Variants in PTPRK observed in about 807,000 individuals in gnomAD.
The protein encoded by PTPRK is receptor-type tyrosine-protein phosphatase kappa.
Under a neutral mutation model 178.0 loss-of-function variants are expected in PTPRK, and 75 were observed. The ratio of observed to expected loss-of-function variants is 0.42; its 90% CI spans 0.35 to 0.51. PTPRK has a LOEUF of 0.51. Ranked by LOEUF, PTPRK falls within the 20% of genes least tolerant of loss-of-function variation. PTPRK has a pLI of 0.02. For synonymous variants in PTPRK, 637 were observed against 620.6 expected (o/e 1.03, Z -0.39); for missense variants, 1,441 against 1,797.8 (o/e 0.80, Z 3.59).
At chr6:128,494,681 A>G (rs1182630785) in intron 1 of PTPRK, among the ~76,000 whole-genome samples, 2 of 152,248 alleles carry the variant, frequency 1.3e-5, no homozygotes, top group Non-Finnish European at 2.9e-5. Context: ...CAACACTTCA[A>G]TGGAAGTGGC....
intron 15 of PTPRK, among the ~76,000 whole-genome samples, chr6:128,002,901 G>A (rs148113459): frequency 8.0e-4 from 122 of 151,910 alleles, no homozygotes; most frequent in African/African-American, 2.8e-3. Flanking sequence ...TATGCATTTG[G>A]CTTCATTCTA....
Position 128,070,497 on chromosome 6 carries a change from C to G in PTPRK, c.1884-2705G>C, listed in dbSNP as rs192746549. On this transcript the variant is annotated intron_variant, in intron 11 of 29. Transcript: ENST00000368226. Reference sequence around the variant, plus strand: ...TGAGAAATATTTCTTGTTTAAGCCACCTAGTATTTTGTAATAGCAGCCTGA... The same window carrying G: ...TGAGAAATATTTCTTGTTTAAGCCAGCTAGTATTTTGTAATAGCAGCCTGA... Among the ~76,000 whole-genome samples the G allele has an allele frequency of 2.0e-4, 30 of 152,078 alleles. 1 individual carries two copies. In the East Asian group the frequency reaches 4.8e-3, roughly 24 times the overall value.
At position 128,393,089 on chromosome 6, in the gene PTPRK, CTT is replaced by C. The variant is rs755172831; in HGVS notation, c.223+4475_223+4476del. On this transcript the variant is annotated intron_variant, in intron 2 of 29. Transcript: ENST00000368226. The stretch of plus-strand genomic sequence containing the variant: ...AAAATATGGTCTATGTTCATAAGGA[CTT>C]TTTTTTTTTTTTTTTTTTAAGACAG... Among the ~76,000 whole-genome samples, 551 of 124,854 alleles carry C rather than the reference CTT, an allele frequency of 4.4e-3. 7 individuals are homozygous for C. The East Asian group carries it at 0.058, about 13-fold the overall frequency. The allele number at this position is 124,854 out of a possible 152,430, so 81.9% of individuals were successfully genotyped here. A position where few individuals can be genotyped will look rare whatever the true frequency, so the allele number is the denominator to read the frequency against.
At chr6:128,479,552 T>G (rs1041962018) in intron 1 of PTPRK, among the ~76,000 whole-genome samples, 21 of 152,124 alleles carry the variant, frequency 1.4e-4, no homozygotes, top group African/African-American at 4.8e-4. Flanking sequence ...AGGGGGTACA[T>G]TTTTAATTGC....
intron 11 of PTPRK, among the ~76,000 whole-genome samples, chr6:128,070,789 C>A (rs1425379750): frequency 6.6e-6 from 1 of 151,692 alleles, no homozygotes; most frequent in African/African-American, 2.4e-5. Context: ...TACATTTTCA[C>A]ATATTATACT....
intron 15 of PTPRK, 100 bp from the exon 16 acceptor site, chr6:127,999,004 C>G (rs1777494314): frequency 9.8e-7 from 1 of 1,025,480 alleles, no homozygotes; most frequent in African/African-American, 1.6e-5. Context: ...TAAGATCTTT[C>G]TGATAACAAG....
chr6:128,426,784 A>C (rs2128390724), intron 1 of PTPRK, among the ~76,000 whole-genome samples: 1 of 152,300 alleles, frequency 6.6e-6, no homozygotes, highest in Non-Finnish European at 1.5e-5. Context: ...AGGTCGACTT[A>C]CAAAGTTTTT....
In PTPRK at chr6:128,240,013, T is replaced by C. The variant is rs369946141; in HGVS notation, c.693+22A>G. 3.6e-5 allele frequency: 56 copies of C among 1,557,466 alleles called. 1 individual carries two copies. In the African/African-American group the frequency reaches 7.3e-4, roughly 20 times the overall value. ...TAAAACATAAAGTATACTCTTTAGC[T>C]CAGCTGCCAACTTGGCCTTACCTGG... On this transcript the variant is annotated intron_variant, in intron 5 of 29. Coordinates refer to ENST00000368226, the MANE Select transcript of PTPRK (RefSeq NM_002844.4).
intron 2 of PTPRK, among the ~76,000 whole-genome samples, chr6:128,343,400 T>C (rs191140304): frequency 2.0e-5 from 3 of 150,440 alleles, no homozygotes; most frequent in African/African-American, 7.3e-5. Flanking sequence ...CTCTGGAGGC[T>C]GAGGCAGGAG....
chr6:128,162,835 T>C (rs1231972122), intron 7 of PTPRK, among the ~76,000 whole-genome samples: 1 of 151,616 alleles, frequency 6.6e-6, no homozygotes, highest in East Asian at 1.9e-4. Flanking sequence ...GTTTTCTGTT[T>C]TTCTATGTGA....
At chr6:128,373,039 A>AT (rs1836514229) in intron 2 of PTPRK, among the ~76,000 whole-genome samples, 1 of 152,102 alleles carries the variant, frequency 6.6e-6, no homozygotes, top group Admixed American at 6.6e-5. Context: ...ATTCCAATGT[A>AT]TTTTTTTAGT....
intron 2 of PTPRK, among the ~76,000 whole-genome samples, chr6:128,326,650 T>C (rs1478641477): frequency 6.6e-6 from 1 of 152,186 alleles, no homozygotes; most frequent in Non-Finnish European, 1.5e-5. Context: ...ATTATATCTG[T>C]GTAAATGTGT....
At chr6:128,491,826 A>C (rs1037086210) in intron 1 of PTPRK, 2 of 516,604 alleles carry the variant, frequency 3.9e-6, no homozygotes, top group African/African-American at 3.9e-5. Context: ...CAGCAGCAAA[A>C]GTTACCGACC....
At chr6:128,006,659 T>C (rs2114710165) in intron 14 of PTPRK, among the ~76,000 whole-genome samples, 1 of 151,186 alleles carries the variant, frequency 6.6e-6, no homozygotes, top group South Asian at 2.1e-4. Context: ...ACATTTACTG[T>C]ATTGAAACAT....
rs1020051142 is a variant in PTPRK, at chr6:128,000,441, T to C, written c.2495-1537A>G. 1.1e-5 allele frequency: 7 copies of C among 628,104 alleles called. No homozygotes were observed. The African/African-American group carries it at 1.2e-4, about 11-fold the overall frequency. 38.9% of individuals were successfully genotyped at this position (628,104 alleles called of 1,614,324 possible). A position where few individuals can be genotyped will look rare whatever the true frequency, so the allele number is the denominator to read the frequency against. ...CTTATTAAGCTGAATGCTCTTTTTG[T>C]AGCATTCATTCCTAAAAATACACTG... On this transcript the variant is annotated intron_variant, in intron 15 of 29. Coordinates refer to ENST00000368226, the MANE Select transcript of PTPRK (RefSeq NM_002844.4).
chr6:128,280,608 A>T (rs968630696), intron 3 of PTPRK, among the ~76,000 whole-genome samples: 1 of 152,164 alleles, frequency 6.6e-6, no homozygotes, highest in African/African-American at 2.4e-5. Context: ...GTTTTTAAAG[A>T]TATATATAAA....
intron 2 of PTPRK, among the ~76,000 whole-genome samples, chr6:128,328,275 G>A (rs1829833105): frequency 6.6e-6 from 1 of 152,162 alleles, no homozygotes; most frequent in Non-Finnish European, 1.5e-5. Flanking sequence ...AGGTAATGAA[G>A]GACAAATTTT....
At chr6:128,378,479 A>G (rs938612753) in intron 2 of PTPRK, among the ~76,000 whole-genome samples, 9 of 152,066 alleles carry the variant, frequency 5.9e-5, no homozygotes, top group Admixed American at 1.3e-4. Context: ...CTTGGTTATG[A>G]GACTTATGTA....
At chr6:128,492,245 CTA>C (rs1446294796) in intron 1 of PTPRK, among the ~76,000 whole-genome samples, 1 of 152,140 alleles carries the variant, frequency 6.6e-6, no homozygotes, top group Non-Finnish European at 1.5e-5. Flanking sequence ...GATAACTGCT[CTA>C]TGTCTTTGGT....
Sources: allele counts gnomAD v4.1 joint callset (sites outside exome capture counted in the v4.1 genomes callset), GRCh38; gene constraint gnomAD v4.1.1; transcripts MANE v1.5; gene names NCBI Gene and HGNC (gene_info 2026-07-23, HGNC 2026-07-21).